The following EXOC6B variants were observed in gnomAD, a reference collection of about 807,000 sequenced individuals.
EXOC6B encodes the protein exocyst complex component 6B.
Under a neutral mutation model 113.5 loss-of-function variants are expected in EXOC6B, and 54 were observed. That is an observed-to-expected ratio of 0.48 (90% CI 0.38 to 0.60). The LOEUF is 0.60. Among genes scored for constraint, EXOC6B ranks in the 20% least tolerant of loss-of-function variants. EXOC6B has a pLI of 0.00. For missense variants in EXOC6B, 797 were observed against 977.5 expected, an observed-to-expected ratio of 0.82 and a Z score of 2.46; for synonymous variants, 357 against 339.0, an observed-to-expected ratio of 1.05 and a Z score of -0.58.
chr2:72,446,603 GACACTGGGGTGT>G (rs1314215525), intron 18 of EXOC6B, among the ~76,000 whole-genome samples: 1 of 152,064 alleles, frequency 6.6e-6, no homozygotes, highest in Admixed American at 6.6e-5. Flanking sequence ...TGGAACAACA[GACACTGGGGTGT>G]ACTAGAGTGG....
At chr2:72,573,901 G>A (rs1012137503) in intron 7 of EXOC6B, among the ~76,000 whole-genome samples, 2 of 152,004 alleles carry the variant, frequency 1.3e-5, no homozygotes, top group Non-Finnish European at 2.9e-5. Flanking sequence ...GGATCACGAC[G>A]TCGGGTGATC....
At chr2:72,651,941 T>C (rs1020275249) in intron 6 of EXOC6B, among the ~76,000 whole-genome samples, 17 of 152,136 alleles carry the variant, frequency 1.1e-4, no homozygotes, top group African/African-American at 3.1e-4. Context: ...GATATATATA[T>C]GACACAATGA....
At chr2:72,309,081 A>G (rs180777391) in intron 20 of EXOC6B, among the ~76,000 whole-genome samples, 4 of 152,246 alleles carry the variant, frequency 2.6e-5, no homozygotes, top group East Asian at 3.9e-4. Flanking sequence ...AGATAACCCT[A>G]TGACCAAAGG....
chr2:72,791,570 T>C (rs1331652632), intron 1 of EXOC6B, among the ~76,000 whole-genome samples: 1 of 152,072 alleles, frequency 6.6e-6, no homozygotes, highest in Non-Finnish European at 1.5e-5. Flanking sequence ...TATAAATAGG[T>C]ACAATTATTA....
intron 1 of EXOC6B, among the ~76,000 whole-genome samples, chr2:72,754,786 TA>T (rs1057099552): frequency 2.0e-4 from 31 of 151,504 alleles, no homozygotes; most frequent in Non-Finnish European, 3.8e-4. Context: ...GCTAATTTTT[TA>T]AAATTTTTTT....
Position 72,379,770 on chromosome 2 carries a change from C to T in EXOC6B, c.2081G>A (p.Gly694Glu), listed in dbSNP as rs1261732129. Reference protein sequence around the residue: ...LEAEVRQLTLGALQQFNLDVR... With the variant: ...LEAEVRQLTLEALQQFNLDVR... ...GTCCAAGTTGAACTGCTGTAATGCT[C>T]CCAAGGTGAGCTGCCGCACTTCAGC... The change falls in exon 19 of 22, where the codon GGA becomes GAA. Residue 694 changes from glycine to glutamate, a missense_variant. Gly to Glu is a moderately conservative substitution (Grantham distance 98, BLOSUM62 -2). Transcript: ENST00000272427. The T allele has an allele frequency of 1.2e-6, 2 of 1,613,420 alleles. No homozygotes were observed. Among genetic ancestry groups the T allele is most frequent in the South Asian group, 1.1e-5 (1 of 90,964 alleles).
At chr2:72,513,781 T>C (rs1027342268) in intron 10 of EXOC6B, among the ~76,000 whole-genome samples, 2 of 152,026 alleles carry the variant, frequency 1.3e-5, no homozygotes, top group Non-Finnish European at 2.9e-5. Context: ...AAATGTGAAG[T>C]TACGTTTGAA....
intron 1 of EXOC6B, among the ~76,000 whole-genome samples, chr2:72,765,063 A>G (rs1029042541): frequency 2.7e-5 from 4 of 149,508 alleles, no homozygotes; most frequent in Non-Finnish European, 1.5e-5. Flanking sequence ...TACCAGCCTG[A>G]GCAACATGGT....
intron 6 of EXOC6B, among the ~76,000 whole-genome samples, chr2:72,622,810 TAAGA>T (rs1276819981): frequency 2.6e-5 from 4 of 152,110 alleles, no homozygotes; most frequent in Non-Finnish European, 5.9e-5. Context: ...CATAATGTCA[TAAGA>T]AAGGTTAAAA....
At chr2:72,695,452 A>T (rs1292159385) in intron 6 of EXOC6B, among the ~76,000 whole-genome samples, 1 of 152,270 alleles carries the variant, frequency 6.6e-6, no homozygotes, top group Non-Finnish European at 1.5e-5. Flanking sequence ...AATACAAGTT[A>T]AAAATATATG....
chr2:72,404,272 C>T (rs1284779853), intron 18 of EXOC6B, among the ~76,000 whole-genome samples: 1 of 152,210 alleles, frequency 6.6e-6, no homozygotes, highest in Non-Finnish European at 1.5e-5. Context: ...CTGTAGACTC[C>T]ACCTCTGGGG....
intron 20 of EXOC6B, among the ~76,000 whole-genome samples, chr2:72,303,598 A>C (rs900392049): frequency 3.3e-5 from 5 of 151,776 alleles, no homozygotes; most frequent in African/African-American, 7.3e-5. Flanking sequence ...TTTTATTATT[A>C]TTCTTAGTTT....
At chr2:72,611,700 C>CATAAATAA (rs201885005) in intron 6 of EXOC6B, among the ~76,000 whole-genome samples, 3 of 151,794 alleles carry the variant, frequency 2.0e-5, no homozygotes, top group African/African-American at 7.2e-5. Flanking sequence ...ATCATAGTTG[C>CATAAATAA]ATAAATAAAT....
At chr2:72,521,923 C>T (rs1245584864) in intron 8 of EXOC6B, among the ~76,000 whole-genome samples, 1 of 152,160 alleles carries the variant, frequency 6.6e-6, no homozygotes, top group East Asian at 1.9e-4. Context: ...GTCTCAATCT[C>T]GTGACCTTGT....
At chr2:72,600,059 G>A (rs1429654188) in intron 6 of EXOC6B, among the ~76,000 whole-genome samples, 1 of 152,108 alleles carries the variant, frequency 6.6e-6, no homozygotes, top group East Asian at 1.9e-4. Flanking sequence ...AGTTTGTATG[G>A]AAAGGCAAAA....
intron 6 of EXOC6B, among the ~76,000 whole-genome samples, chr2:72,576,995 G>A (rs1704913268): frequency 6.6e-6 from 1 of 151,988 alleles, no homozygotes. Flanking sequence ...TAAATATAAA[G>A]TATAAAAAGT....
intron 18 of EXOC6B, among the ~76,000 whole-genome samples, chr2:72,457,163 T>A (rs1444973733): frequency 6.6e-6 from 1 of 152,028 alleles, no homozygotes; most frequent in Non-Finnish European, 1.5e-5. Flanking sequence ...TTATGAAAAG[T>A]CTTGATGGAC....
chr2:72,220,195 G>T (rs550680077), intron 20 of EXOC6B, among the ~76,000 whole-genome samples: 4 of 152,156 alleles, frequency 2.6e-5, no homozygotes, highest in African/African-American at 9.7e-5. Flanking sequence ...GCTGGCATTC[G>T]TATTTTCCAG....
intron 6 of EXOC6B, among the ~76,000 whole-genome samples, chr2:72,676,557 G>C (rs1676328662): frequency 6.6e-6 from 1 of 152,172 alleles, no homozygotes; most frequent in Admixed American, 6.5e-5. Context: ...AATAGGCTTT[G>C]TCTTGTTAAA....
Sources: allele counts gnomAD v4.1 joint callset (sites outside exome capture counted in the v4.1 genomes callset), GRCh38; gene constraint gnomAD v4.1.1; transcripts MANE v1.5; gene names NCBI Gene and HGNC (gene_info 2026-07-23, HGNC 2026-07-21).